HCK: variants seen among roughly 807,000 people sequenced by gnomAD.
The protein encoded by HCK is tyrosine-protein kinase HCK.
HCK carries 40 observed loss-of-function variants against 70.4 expected under a neutral mutation model. That is an observed-to-expected ratio of 0.57 (90% CI 0.44 to 0.74). HCK has a LOEUF of 0.74. Ranked by LOEUF, HCK falls within the 30% of genes least tolerant of loss-of-function variation. The pLI is 0.00. For missense variants in HCK, 568 were observed against 697.2 expected (o/e 0.81, Z 2.09); for synonymous variants, 245 against 263.2 (o/e 0.93, Z 0.67).
At chr20:32,087,522 C>T (rs1055670891) in intron 9 of HCK, among the ~76,000 whole-genome samples, 9 of 152,072 alleles carry the variant, frequency 5.9e-5, no homozygotes, top group Non-Finnish European at 1.3e-4. Context: ...GGCTGGAGTG[C>T]AGTGGCGTGA....
At position 32,084,403 on chromosome 20, in the gene HCK, G is replaced by A. The variant is rs780157389; in HGVS notation, c.695G>A (p.Gly232Glu). ...GACTCTGTTCCAGAGGGGAACGACGGGCTCTGCCAGAAACTGTCGGTGCCC... is the reference window on the plus strand; with the variant it reads ...GACTCTGTTCCAGAGGGGAACGACGAGCTCTGCCAGAAACTGTCGGTGCCC... The change falls in exon 8 of 13, where the codon GGG becomes GAG. Residue 232 changes from glycine (G) to glutamate (E), a missense_variant. Transcript: ENST00000375852. 8.7e-6 allele frequency: 14 copies of A among 1,613,368 alleles called. No individual in the cohort carries two copies. Among genetic ancestry groups the A allele is most frequent in the Non-Finnish European group, 1.2e-5 (14 of 1,179,676 alleles).
chr20:32,101,120 T>G (rs8122892), intron 12 of HCK, among the ~76,000 whole-genome samples, 197 bp from the exon 13 acceptor site: 2,317 of 152,258 alleles, frequency 0.015, 63 homozygotes, highest in African/African-American at 0.053. Flanking sequence ...CAGCTCCCAT[T>G]GGCCCAAACT....
Position 32,073,072 on chromosome 20 carries a change from C to T in HCK, c.184-247C>T, listed in dbSNP as rs138265969. ...CTGAGATCACGCCACTGCACTCCAG[C>T]CTGGGTGACAGAGTGAGATTCCATC... On this transcript the variant is annotated intron_variant, in intron 2 of 12. Coordinates refer to ENST00000375852, the MANE Select transcript of HCK (RefSeq NM_002110.5). Among the ~76,000 whole-genome samples, 3 of 152,332 alleles carry T rather than the reference C, an allele frequency of 2.0e-5. No individual in the cohort carries two copies. The East Asian group carries it at 5.8e-4, about 29-fold the overall frequency.
chr20:32,086,407 G>A (rs758944350), intron 8 of HCK, among the ~76,000 whole-genome samples: 32 of 152,350 alleles, frequency 2.1e-4, no homozygotes, highest in African/African-American at 7.2e-4. Context: ...GCTCAGAGAC[G>A]TTAAGCCACT....
intron 1 of HCK, among the ~76,000 whole-genome samples, chr20:32,052,806 T>TG (rs2045199705): frequency 7.1e-6 from 1 of 141,778 alleles, no homozygotes; most frequent in Non-Finnish European, 1.6e-5. Flanking sequence ...GATTTTTTTT[T>TG]TAATTTAAAA....
chr20:32,059,200 G>C (rs2045323550), intron 1 of HCK, among the ~76,000 whole-genome samples: 2 of 152,312 alleles, frequency 1.3e-5, no homozygotes, highest in South Asian at 2.1e-4. Context: ...AGGATATCTG[G>C]GTGGGGAAAG....
Position 32,052,364 on chromosome 20 carries a change from C to A in HCK, c.-61C>A. ...AAGCCCCTCAGAGCGTCGCCCCCGC[C>A]TCTAGTTCTAGAAAGTCAGTTTCCC... On this transcript the variant is annotated 5_prime_UTR_variant, in exon 1 of 13. Coordinates refer to ENST00000375852, the MANE Select transcript of HCK (RefSeq NM_002110.5). 1 of 1,200,902 alleles carries A rather than the reference C, an allele frequency of 8.3e-7. No individual in the cohort carries two copies. The highest frequency in any genetic ancestry group is 1.1e-6 in the Non-Finnish European group (1 of 932,470). 74.4% of individuals were successfully genotyped at this position (1,200,902 alleles called of 1,614,324 possible). A position where few individuals can be genotyped will look rare whatever the true frequency, so the allele number is the denominator to read the frequency against.
intron 5 of HCK, among the ~76,000 whole-genome samples, chr20:32,079,059 T>A (rs2045671052): frequency 6.6e-6 from 1 of 152,090 alleles, no homozygotes; most frequent in Non-Finnish European, 1.5e-5. Context: ...GGTCTGGGGC[T>A]TTTTTCCAAC....
At chr20:32,082,192 C>T (rs1303350543) in intron 6 of HCK, among the ~76,000 whole-genome samples, 1 of 152,148 alleles carries the variant, frequency 6.6e-6, no homozygotes, top group Non-Finnish European at 1.5e-5. Context: ...TTATAAAACC[C>T]TTACCCCATG....
At chr20:32,060,759 C>T (rs2122477786) in intron 1 of HCK, among the ~76,000 whole-genome samples, 1 of 152,210 alleles carries the variant, frequency 6.6e-6, no homozygotes, top group Non-Finnish European at 1.5e-5. Context: ...CTTTGAGAAG[C>T]AGACTCCCAT....
chr20:32,064,132 T>A (rs2045422474), intron 1 of HCK, among the ~76,000 whole-genome samples: 1 of 150,436 alleles, frequency 6.6e-6, no homozygotes, highest in African/African-American at 2.4e-5. Context: ...GCCTCCCAAG[T>A]AGCTGGGATT....
chr20:32,053,209 G>T (rs2045208727), intron 1 of HCK, among the ~76,000 whole-genome samples: 1 of 152,128 alleles, frequency 6.6e-6, no homozygotes, highest in African/African-American at 2.4e-5. Flanking sequence ...AGTGGGTAGC[G>T]GAGGGGGCTT....
In HCK at chr20:32,084,479, C is replaced by A; in HGVS notation, c.771C>A (p.Ile257=). 1 of 1,614,098 alleles carries A rather than the reference C, an allele frequency of 6.2e-7. No homozygotes were observed. Among genetic ancestry groups the A allele is most frequent in the Non-Finnish European group, 8.5e-7 (1 of 1,180,010 alleles). ...CTTGGGAGAAAGATGCCTGGGAGAT[C>A]CCTCGGGAATCCCTCAAGCTGGAGA... The change falls in exon 8 of 13, where the codon ATC becomes ATA. Residue 257 remains isoleucine (I), a synonymous_variant. Transcript: ENST00000375852.
At position 32,069,223 on chromosome 20, in the gene HCK, C is replaced by T. The variant is rs565560661; in HGVS notation, c.63-2439C>T. 2.6e-5 allele frequency among the ~76,000 whole-genome samples: 4 copies of T among 152,362 alleles called. 1 individual carries two copies. In the South Asian group the frequency reaches 8.3e-4, roughly 32 times the overall value. ...CCTATGAGGTAGAACCCTTGCCACC[C>T]TTTCTCAGAGATGGCCTTGGATTGT... On this transcript the variant is annotated intron_variant, in intron 1 of 12. Coordinates refer to ENST00000375852, the MANE Select transcript of HCK (RefSeq NM_002110.5).
rs1472787127 is a variant in HCK at position 32,071,797 on chromosome 20, T to A, written c.183+15T>A. ...CCATCAAGCCGGTGAGTAGGGGAGG[T>A]CCCAGTTTCCCTGGGGGCTGACGGA... On this transcript the variant is annotated intron_variant, in intron 2 of 12. Transcript: ENST00000375852. 6.2e-7 allele frequency: 1 copy of A among 1,610,634 alleles called. No homozygotes were observed. Among genetic ancestry groups the A allele is most frequent in the Admixed American group, 1.7e-5 (1 of 59,544 alleles).
At position 32,098,740 on chromosome 20, in the gene HCK, G is replaced by C. The variant is rs914985102; in HGVS notation, c.1247-264G>C. Among the ~76,000 whole-genome samples the C allele has an allele frequency of 2.6e-5, 4 of 152,132 alleles. No individual in the cohort carries two copies. The East Asian group carries it at 7.7e-4, about 29-fold the overall frequency. On this transcript the variant is annotated intron_variant, in intron 11 of 12. Transcript: ENST00000375852. The stretch of plus-strand genomic sequence containing the variant: ...CACTCTTCGGAGTTGCAGTTAACTG[G>C]GGTATCAGCTGAATCAACGAGGAGG...
intron 5 of HCK, among the ~76,000 whole-genome samples, chr20:32,074,981 T>C (rs2045601150): frequency 1.3e-5 from 2 of 152,282 alleles, no homozygotes; most frequent in South Asian, 4.1e-4. Flanking sequence ...CAAAACGACC[T>C]GGTTTCTTTG....
At chr20:32,062,187 G>A (rs777757009) in intron 1 of HCK, among the ~76,000 whole-genome samples, 5 of 152,044 alleles carry the variant, frequency 3.3e-5, no homozygotes, top group Non-Finnish European at 5.9e-5. Flanking sequence ...TGATCTGCCC[G>A]CTTCAGCCTC....
At chr20:32,073,601 T>C in intron 3 of HCK, 115 bp from the exon 4 acceptor site, 1 of 711,214 alleles carries the variant, frequency 1.4e-6, no homozygotes, top group South Asian at 1.7e-5. Flanking sequence ...CGCCTACTTA[T>C]ACTTGGAACC....
Sources: gnomAD v4.1 joint callset for allele counts (sites outside exome capture counted in the v4.1 genomes callset) on GRCh38, gnomAD v4.1.1 for gene constraint, MANE v1.5 for transcripts, NCBI Gene and HGNC (gene_info 2026-07-23, HGNC 2026-07-21) for gene names.